The following MMRN1 variants were observed in gnomAD, a reference collection of about 807,000 sequenced individuals.
The protein encoded by MMRN1 is multimerin-1.
Under a neutral mutation model 100.7 loss-of-function variants are expected in MMRN1, and 94 were observed. That is an observed-to-expected ratio of 0.93 (90% CI 0.79 to 1.11). MMRN1 has a LOEUF of 1.11. Among genes scored for constraint, MMRN1 ranks in the 50% least tolerant of loss-of-function variants. MMRN1 has a pLI of 0.00. For synonymous variants in MMRN1, 575 were observed against 505.0 expected, an observed-to-expected ratio of 1.14 and a Z score of -1.86; for missense variants, 1,606 against 1,439.1, an observed-to-expected ratio of 1.12 and a Z score of -1.88.
At chr4:89,905,630 A>T (rs1721543132) in intron 1 of MMRN1, among the ~76,000 whole-genome samples, 1 of 151,518 alleles carries the variant, frequency 6.6e-6, no homozygotes, top group Admixed American at 6.6e-5. Context: ...AATTTTCAGA[A>T]GCAGCTATGT....
At chr4:89,887,414 G>A (rs1720962284) in intron 1 of MMRN1, among the ~76,000 whole-genome samples, 1 of 152,084 alleles carries the variant, frequency 6.6e-6, no homozygotes, top group South Asian at 2.1e-4. Context: ...CAGAGCTGTA[G>A]TAACCAAAAT....
In MMRN1 at chr4:89,951,762, A is replaced by G. The variant is rs1560601664; in HGVS notation, c.3265+11A>G. 3 of 1,609,876 alleles carry G rather than the reference A, an allele frequency of 1.9e-6. No homozygotes were observed. Among genetic ancestry groups the G allele is most frequent in the African/African-American group, 1.3e-5 (1 of 74,650 alleles). ...ATGCTTTAGCTCCAGGTAAAAAAAA[A>G]GTATACGCATCTTTGGATTTGCTCA... On this transcript the variant is annotated intron_variant, in intron 7 of 7. Transcript: ENST00000264790.
At chr4:89,951,172 A>T (rs937756205) in intron 6 of MMRN1, among the ~76,000 whole-genome samples, 7 of 152,080 alleles carry the variant, frequency 4.6e-5, no homozygotes, top group African/African-American at 1.7e-4. Context: ...TTTTATATTT[A>T]GTATTTTTGT....
chr4:89,918,088 C>A (rs1310938019), intron 3 of MMRN1, among the ~76,000 whole-genome samples: 2 of 151,110 alleles, frequency 1.3e-5, no homozygotes, highest in African/African-American at 2.4e-5. Flanking sequence ...ATTAGAAAAT[C>A]TTTTTCTTAC....
At chr4:89,904,206 T>A (rs993631218) in intron 1 of MMRN1, among the ~76,000 whole-genome samples, 1 of 151,844 alleles carries the variant, frequency 6.6e-6, no homozygotes, top group Non-Finnish European at 1.5e-5. Flanking sequence ...ACAAGAGATA[T>A]GCAAAATTAT....
chr4:89,952,672 C>T (rs1481220013), intron 7 of MMRN1, among the ~76,000 whole-genome samples: 1 of 152,126 alleles, frequency 6.6e-6, no homozygotes, highest in African/African-American at 2.4e-5. Flanking sequence ...TCATAGAGTG[C>T]TTTGAATTCC....
At chr4:89,907,972 G>C (rs1471928914) in intron 1 of MMRN1, among the ~76,000 whole-genome samples, 1 of 151,098 alleles carries the variant, frequency 6.6e-6, no homozygotes, top group Non-Finnish European at 1.5e-5. Flanking sequence ...TTGTTTGCAA[G>C]CACAAAATAG....
intron 1 of MMRN1, among the ~76,000 whole-genome samples, chr4:89,880,248 C>G (rs1720789829): frequency 6.6e-6 from 1 of 152,136 alleles, no homozygotes; most frequent in African/African-American, 2.4e-5. Context: ...AATGGCAGTT[C>G]TGTCCCCTCT....
At position 89,884,434 on chromosome 4, in the gene MMRN1, T is replaced by A. The variant is rs1193509151; in HGVS notation, c.-249+4832T>A. Among the ~76,000 whole-genome samples the A allele has an allele frequency of 1.3e-5, 2 of 152,172 alleles. 1 individual carries two copies. The highest frequency in any genetic ancestry group is 1.3e-4 in the Admixed American group (2 of 15,268). On this transcript the variant is annotated intron_variant, in intron 1 of 8. Coordinates refer to the MMRN1 transcript ENST00000394980. ...AATTTTGTTTATTCCAAGATTTTGA[T>A]GGGTTTTTGATGCCATTATAAATGG...
At chr4:89,887,108 G>T (rs1720953680) in intron 1 of MMRN1, among the ~76,000 whole-genome samples, 1 of 151,992 alleles carries the variant, frequency 6.6e-6, no homozygotes, top group Admixed American at 6.6e-5. Context: ...ACATGTGTAT[G>T]TTTTTGAAGC....
chr4:89,924,279 T>C (rs1051826630), intron 4 of MMRN1, among the ~76,000 whole-genome samples: 1 of 151,754 alleles, frequency 6.6e-6, no homozygotes, highest in Non-Finnish European at 1.5e-5. Flanking sequence ...TGTTTCTTTT[T>C]GAGAGTGTAA....
intron 6 of MMRN1, among the ~76,000 whole-genome samples, chr4:89,942,584 G>A (rs528150130): frequency 6.6e-6 from 1 of 152,042 alleles, no homozygotes; most frequent in Non-Finnish European, 1.5e-5. Context: ...CTTAAAATGG[G>A]CTCTCCAAAG....
intron 5 of MMRN1, among the ~76,000 whole-genome samples, chr4:89,930,544 T>TC (rs397973248): frequency 6.6e-6 from 1 of 151,970 alleles, no homozygotes; most frequent in African/African-American, 2.4e-5. Flanking sequence ...ATTGTACCTT[T>TC]CAATCTTGAA....
At chr4:89,916,210 A>G (rs2110604685) in intron 3 of MMRN1, among the ~76,000 whole-genome samples, 1 of 151,778 alleles carries the variant, frequency 6.6e-6, no homozygotes, top group Non-Finnish European at 1.5e-5. Context: ...TTTGTAAAAC[A>G]GGCATTTCAA....
At position 89,938,043 on chromosome 4, in the gene MMRN1, C is replaced by G. The variant is rs543291882; in HGVS notation, c.3118+1245C>G. Among the ~76,000 whole-genome samples the G allele has an allele frequency of 2.0e-4, 31 of 151,850 alleles. No individual in the cohort carries two copies. In the South Asian group the frequency reaches 5.8e-3, roughly 29 times the overall value. The stretch of plus-strand genomic sequence containing the variant: ...ATATGAGTCTGCTGTTAAATTATAG[C>G]CCATTTGTATGAATTTTGTACTTTA... On this transcript the variant is annotated intron_variant, in intron 6 of 7. Transcript: ENST00000264790.
At position 89,953,037 on chromosome 4, in the gene MMRN1, A is replaced by AT; in HGVS notation, c.3312dup (p.Ala1105CysfsTer16). 6.2e-7 allele frequency: 1 copy of AT among 1,611,870 alleles called. No individual in the cohort carries two copies. Among genetic ancestry groups the AT allele is most frequent in the South Asian group, 1.1e-5 (1 of 90,488 alleles). ...CTTACAGATATGCACCCATGGTGGC[A>AT]TTTTTTGCATCTCATACGTATGGAA... is the stretch of plus-strand genomic sequence containing the variant. On this transcript the variant is annotated frameshift_variant, in exon 8 of 8. Coordinates refer to ENST00000264790, the MANE Select transcript of MMRN1 (RefSeq NM_007351.3). LOFTEE classifies it high-confidence loss of function.
intron 6 of MMRN1, among the ~76,000 whole-genome samples, chr4:89,944,969 G>A (rs1009625753): frequency 3.3e-5 from 5 of 152,098 alleles, no homozygotes; most frequent in Non-Finnish European, 5.9e-5. Flanking sequence ...ATAGGGATCA[G>A]TTCCATCACC....
intron 1 of MMRN1, among the ~76,000 whole-genome samples, chr4:89,902,354 A>G (rs937559408): frequency 1.9e-4 from 28 of 148,310 alleles, no homozygotes; most frequent in African/African-American, 7.0e-4. Context: ...AAGTTATAGA[A>G]GAGAAAAAAA....
chr4:89,912,649 T>C (rs1721791766), intron 3 of MMRN1, among the ~76,000 whole-genome samples: 1 of 151,114 alleles, frequency 6.6e-6, no homozygotes, highest in African/African-American at 2.4e-5. Context: ...ATTTTGCTTT[T>C]GGCTTTAAAC....
Sources: gnomAD v4.1 joint callset for allele counts (sites outside exome capture counted in the v4.1 genomes callset) on GRCh38, gnomAD v4.1.1 for gene constraint, MANE v1.5 for transcripts, NCBI Gene and HGNC (gene_info 2026-07-23, HGNC 2026-07-21) for gene names.